The following PATJ variants were observed in gnomAD, a reference collection of about 807,000 sequenced individuals.
PATJ encodes PATJ crumbs cell polarity complex component, also known as inaD-like protein.
PATJ carries 190 observed loss-of-function variants against 224.9 expected under a neutral mutation model. That is an observed-to-expected ratio of 0.84 (90% CI 0.75 to 0.95). The LOEUF is 0.95. Ranked by LOEUF, PATJ falls within the 40% of genes least tolerant of loss-of-function variation. PATJ has a pLI of 0.00. For missense variants in PATJ, 2,121 were observed against 2,270.3 expected (o/e 0.93, Z 1.34); for synonymous variants, 769 against 820.3 (o/e 0.94, Z 1.07).
intron 27 of PATJ, among the ~76,000 whole-genome samples, chr1:61,943,343 C>G (rs776044312): frequency 1.3e-5 from 2 of 152,164 alleles, no homozygotes; most frequent in Non-Finnish European, 2.9e-5. Flanking sequence ...CCTTTCCTAG[C>G]AAAGGAAAGC....
intron 28 of PATJ, among the ~76,000 whole-genome samples, chr1:61,992,369 C>T (rs1417041687): frequency 6.6e-6 from 1 of 152,158 alleles, no homozygotes; most frequent in Non-Finnish European, 1.5e-5. Context: ...CCACCCGCCT[C>T]AGCCTCCTAA....
At chr1:62,009,558 G>A (rs1048750396) in intron 28 of PATJ, among the ~76,000 whole-genome samples, 7 of 151,984 alleles carry the variant, frequency 4.6e-5, no homozygotes, top group African/African-American at 1.7e-4. Flanking sequence ...AGGTTGGGGT[G>A]GCTGTGACAA....
intron 29 of PATJ, among the ~76,000 whole-genome samples, chr1:62,020,037 C>T (rs916740226): frequency 6.6e-6 from 1 of 152,014 alleles, no homozygotes. Flanking sequence ...GGCGTGGTGG[C>T]ATGTGCCCTG....
chr1:61,944,443 A>G (rs939478753), intron 27 of PATJ, among the ~76,000 whole-genome samples: 6 of 152,224 alleles, frequency 3.9e-5, no homozygotes, highest in African/African-American at 1.2e-4. Context: ...AAGCTTCAGT[A>G]GCCGATTTGA....
chr1:62,033,540 AT>A (rs1649731815), intron 29 of PATJ, among the ~76,000 whole-genome samples: 1 of 152,156 alleles, frequency 6.6e-6, no homozygotes, highest in Non-Finnish European at 1.5e-5. Context: ...GGGAGAGAGA[AT>A]TTGCCCCAGA....
rs1450785845 is a variant in PATJ at position 61,771,440 on chromosome 1, A to G, written c.534A>G (p.Arg178=). 4.4e-6 allele frequency: 7 copies of G among 1,587,348 alleles called. No homozygotes were observed. In the Admixed American group the frequency reaches 1.3e-4, roughly 29 times the overall value. The change falls in exon 6 of 44, where the codon AGA becomes AGG. Residue 178 remains arginine, a synonymous_variant. Coordinates refer to ENST00000642238, the MANE Select transcript of PATJ (RefSeq NM_001350145.3). ...QPGSVADRDQ[R]LKENDQILAI... is the part of the protein sequence containing the mutation. ...TTCTTACATGATTAAGGGATCAAAGATTAAAGGAAAATGATCAAATATTGG... is the reference window on the plus strand; with the variant it reads ...TTCTTACATGATTAAGGGATCAAAGGTTAAAGGAAAATGATCAAATATTGG...
chr1:61,820,847 C>G (rs549621316), intron 14 of PATJ, among the ~76,000 whole-genome samples: 1 of 152,236 alleles, frequency 6.6e-6, no homozygotes, highest in African/African-American at 2.4e-5. Context: ...AGACAGTTGG[C>G]AGAGATGAGT....
At chr1:61,990,546 T>A in intron 28 of PATJ, 182 bp downstream of exon 28, 1 of 447,628 alleles carries the variant, frequency 2.2e-6, no homozygotes, top group Non-Finnish European at 3.8e-6. Context: ...ATTTGCTGCT[T>A]AAGTAAAAAC....
At chr1:62,029,318 G>A (rs1230221441) in intron 29 of PATJ, among the ~76,000 whole-genome samples, 1 of 152,106 alleles carries the variant, frequency 6.6e-6, no homozygotes, top group East Asian at 1.9e-4. Context: ...TACATTAGAT[G>A]TCTTATTTTT....
intron 41 of PATJ, among the ~76,000 whole-genome samples, chr1:62,145,035 G>A (rs912744252): frequency 6.6e-6 from 1 of 151,914 alleles, no homozygotes; most frequent in African/African-American, 2.4e-5. Flanking sequence ...GGCTGGTCTT[G>A]AACTCCTGAG....
rs535275313 is a variant in PATJ, at chr1:62,123,112, T to A, written c.5043+54T>A. On this transcript the variant is annotated intron_variant, in intron 39 of 43. Transcript: ENST00000642238. ...TTTCTGGTTTGTGTTGGATTTGCAC[T>A]AAATGTACATTTTCCCCAATACAGT... 2.4e-5 allele frequency: 30 copies of A among 1,241,248 alleles called. No individual in the cohort carries two copies. In the African/African-American group the frequency reaches 4.2e-4, roughly 17 times the overall value. The allele number at this position is 1,241,248 out of a possible 1,614,324, so 76.9% of individuals were successfully genotyped here.
chr1:61,766,984 T>C (rs1006742378), intron 4 of PATJ, among the ~76,000 whole-genome samples: 3 of 152,122 alleles, frequency 2.0e-5, no homozygotes, highest in Non-Finnish European at 2.9e-5. Flanking sequence ...TCCCAGATAG[T>C]TGGGAGGCTG....
chr1:61,933,318 A>G (rs1273023620), intron 27 of PATJ, among the ~76,000 whole-genome samples: 1 of 152,034 alleles, frequency 6.6e-6, no homozygotes, highest in Non-Finnish European at 1.5e-5. Context: ...AGGCAGGCGA[A>G]TTACAAGGTC....
At chr1:61,799,265 T>G (rs546769893) in intron 11 of PATJ, among the ~76,000 whole-genome samples, 1 of 152,304 alleles carries the variant, frequency 6.6e-6, no homozygotes, top group African/African-American at 2.4e-5. Flanking sequence ...CGATCTTGGC[T>G]CACTGCAACT....
At chr1:61,786,001 T>G (rs945567113) in intron 7 of PATJ, among the ~76,000 whole-genome samples, 3 of 152,178 alleles carry the variant, frequency 2.0e-5, no homozygotes, top group Admixed American at 2.0e-4. Context: ...TCAACTCATC[T>G]GGAATCTTGA....
intron 19 of PATJ, among the ~76,000 whole-genome samples, chr1:61,862,488 C>T (rs373319482): frequency 5.3e-5 from 8 of 152,172 alleles, no homozygotes; most frequent in South Asian, 2.1e-4. Flanking sequence ...TGAGCCACCA[C>T]GCCCAGCCTA....
Position 62,075,840 on chromosome 1 carries a change from C to T in PATJ, c.4126-3610C>T, listed in dbSNP as rs571598608. On this transcript the variant is annotated intron_variant, in intron 31 of 43. Coordinates refer to ENST00000642238, the MANE Select transcript of PATJ (RefSeq NM_001350145.3). ...GGCTGAGGCAGGAGAATGATGTGAACCCGAGAGGCAGAGCTTGCAGTGACC... is the reference window on the plus strand; with the variant it reads ...GGCTGAGGCAGGAGAATGATGTGAATCCGAGAGGCAGAGCTTGCAGTGACC... 2.0e-5 allele frequency among the ~76,000 whole-genome samples: 3 copies of T among 151,880 alleles called. No homozygotes were observed. The South Asian group carries it at 6.2e-4, about 32-fold the overall frequency.
chr1:62,069,532 A>G (rs1433976097), intron 31 of PATJ, among the ~76,000 whole-genome samples: 3 of 152,124 alleles, frequency 2.0e-5, no homozygotes, highest in African/African-American at 7.2e-5. Flanking sequence ...CTTGGCTCGG[A>G]TGTTTAAGAG....
intron 37 of PATJ, 37 bp downstream of exon 37, chr1:62,117,255 C>A (rs760928034): frequency 6.2e-7 from 1 of 1,612,582 alleles, no homozygotes; most frequent in Non-Finnish European, 8.5e-7. Context: ...ACTCACTCTT[C>A]TGCCCCCACT....
Sources: gnomAD v4.1 joint callset for allele counts (sites outside exome capture counted in the v4.1 genomes callset) on GRCh38, gnomAD v4.1.1 for gene constraint, MANE v1.5 for transcripts, NCBI Gene and HGNC (gene_info 2026-07-23, HGNC 2026-07-21) for gene names.